The following ARL5B variants were observed in gnomAD, a reference collection of about 807,000 sequenced individuals.
ARL5B encodes ADP-ribosylation factor-like protein 5B.
ARL5B carries 10 observed loss-of-function variants against 26.9 expected under a neutral mutation model. The ratio of observed to expected loss-of-function variants is 0.37; its 90% CI spans 0.23 to 0.63. ARL5B has a LOEUF of 0.63. Ranked by LOEUF, ARL5B falls within the 30% of genes least tolerant of loss-of-function variation. The probability of loss-of-function intolerance (pLI) is 0.62; values close to 1 mark genes in which losing one functional copy is unlikely to be tolerated. For missense variants in ARL5B, 167 were observed against 213.9 expected, an observed-to-expected ratio of 0.78 and a Z score of 1.37; for synonymous variants, 87 against 70.4, an observed-to-expected ratio of 1.24 and a Z score of -1.18.
At chr10:18,673,885 C>G in intron 4 of ARL5B, 99 bp from the exon 5 acceptor site, 1 of 1,085,606 alleles carries the variant, frequency 9.2e-7, no homozygotes, top group Middle Eastern at 3.2e-4. Context: ...TACTAGTGCC[C>G]GATTATGTTA....
At chr10:18,666,660 G>C (rs2059862491) in intron 2 of ARL5B, 25 bp downstream of exon 2, 4 of 1,552,728 alleles carry the variant, frequency 2.6e-6, no homozygotes, top group Non-Finnish European at 3.5e-6. Context: ...TTATTAAACA[G>C]TTTTCACTAG....
At chr10:18,665,249 A>AG (rs2059856217) in intron 1 of ARL5B, among the ~76,000 whole-genome samples, 1 of 152,182 alleles carries the variant, frequency 6.6e-6, no homozygotes, top group African/African-American at 2.4e-5. Context: ...TTCAGGTAGG[A>AG]GGATCACTTG....
At position 18,662,338 on chromosome 10, in the gene ARL5B, T is replaced by A. The variant is rs1475834332; in HGVS notation, c.46+2655T>A. 6.6e-5 allele frequency among the ~76,000 whole-genome samples: 10 copies of A among 152,358 alleles called. No homozygotes were observed. In the East Asian group the frequency reaches 1.9e-3, roughly 29 times the overall value. ...TCATCCTTTTTTTTCCTGTAGCATT[T>A]TAGAGTCTCATGCGTCTTATAAATT... On this transcript the variant is annotated intron_variant, in intron 1 of 5. Transcript: ENST00000377275.
chr10:18,659,984 G>A (rs1480886769), intron 1 of ARL5B: 1 of 970,010 alleles, frequency 1.0e-6, no homozygotes, highest in African/African-American at 1.8e-5. Flanking sequence ...GCGTATGGAG[G>A]GCCTTTCTCG....
At chr10:18,661,360 A>G (rs1358183707) in intron 1 of ARL5B, among the ~76,000 whole-genome samples, 1 of 152,152 alleles carries the variant, frequency 6.6e-6, no homozygotes, top group Non-Finnish European at 1.5e-5. Context: ...ACTAGAGGTA[A>G]TAAAAGATGT....
At chr10:18,675,094 C>A in intron 5 of ARL5B, 74 bp from the exon 6 acceptor site, 1 of 1,414,554 alleles carries the variant, frequency 7.1e-7, no homozygotes, top group Non-Finnish European at 9.9e-7. Context: ...TGGTTAAGAC[C>A]TAAAAATAAT....
chr10:18,669,399 A>G (rs868202034), intron 3 of ARL5B, among the ~76,000 whole-genome samples: 4 of 152,278 alleles, frequency 2.6e-5, no homozygotes, highest in South Asian at 2.1e-4. Context: ...TTTTTATACC[A>G]TGAACATTCA....
Position 18,669,808 on chromosome 10 carries a change from C to T in ARL5B, c.255+1131C>T, listed in dbSNP as rs549936836. ...GAGATTGAGGCCATCCTGGCTAACA[C>T]AGGTGAAACCCCGTCTCTACTAAAA... On this transcript the variant is annotated intron_variant, in intron 3 of 5. Coordinates refer to ENST00000377275, the MANE Select transcript of ARL5B (RefSeq NM_178815.5). Among the ~76,000 whole-genome samples the T allele has an allele frequency of 1.1e-4, 16 of 151,902 alleles. No homozygotes were observed. In the South Asian group the frequency reaches 1.5e-3, roughly 14 times the overall value.
intron 1 of ARL5B, among the ~76,000 whole-genome samples, chr10:18,663,719 T>G (rs763279402): frequency 1.3e-5 from 2 of 150,444 alleles, no homozygotes; most frequent in African/African-American, 2.4e-5. Flanking sequence ...CGGCTGATTT[T>G]CTGTATTTTT....
intron 3 of ARL5B, 93 bp downstream of exon 3, chr10:18,668,770 C>CT (rs34027786): frequency 0.091 from 81,465 of 897,240 alleles, 361 homozygotes; most frequent in East Asian, 0.19. Flanking sequence ...TGACAGTTGC[C>CT]TTTTTTTTTT....
At chr10:18,659,886 A>G (rs1564861484) in intron 1 of ARL5B, 2 of 985,244 alleles carry the variant, frequency 2.0e-6, no homozygotes, top group Non-Finnish European at 2.4e-6. Context: ...GGGAGGCAGA[A>G]GAGAAGGTAT....
At chr10:18,672,849 G>C in intron 4 of ARL5B, 144 bp downstream of exon 4, 1 of 427,826 alleles carries the variant, frequency 2.3e-6, no homozygotes, top group South Asian at 5.7e-5. Flanking sequence ...TGAAAGTCTT[G>C]AGGTAAAAAA....
intron 2 of ARL5B, 99 bp downstream of exon 2, chr10:18,666,734 AAT>A (rs1261709587): frequency 1.9e-6 from 2 of 1,046,222 alleles, no homozygotes; most frequent in Non-Finnish European, 1.3e-6. Context: ...GAAAAACTTA[AAT>A]ATATGTTTTT....
At chr10:18,661,555 G>A (rs1357861839) in intron 1 of ARL5B, among the ~76,000 whole-genome samples, 1 of 152,054 alleles carries the variant, frequency 6.6e-6, no homozygotes, top group Non-Finnish European at 1.5e-5. Flanking sequence ...ACAGCCATAG[G>A]CCAGTCTTCA....
At chr10:18,675,019 C>A in intron 5 of ARL5B, 149 bp from the exon 6 acceptor site, 1 of 584,262 alleles carries the variant, frequency 1.7e-6, no homozygotes, top group Non-Finnish European at 2.9e-6. Flanking sequence ...AAAAATTTCA[C>A]TTATTATAGT....
At chr10:18,664,810 G>C (rs2059853798) in intron 1 of ARL5B, among the ~76,000 whole-genome samples, 1 of 152,142 alleles carries the variant, frequency 6.6e-6, no homozygotes, top group African/African-American at 2.4e-5. Flanking sequence ...TTATTGGTGA[G>C]TTTTACCATC....
At chr10:18,674,575 C>T (rs993160232) in intron 5 of ARL5B, among the ~76,000 whole-genome samples, 1 of 152,124 alleles carries the variant, frequency 6.6e-6, no homozygotes, top group Admixed American at 6.6e-5. Flanking sequence ...TATTTCCAGA[C>T]AATAAACAGT....
rs191702606 is a variant in ARL5B, at chr10:18,664,831, A to G, written c.47-1744A>G. Among the ~76,000 whole-genome samples the G allele has an allele frequency of 1.4e-3, 213 of 152,278 alleles. 1 individual carries two copies. Among genetic ancestry groups the G allele is most frequent in the African/African-American group, 4.4e-3 (183 of 41,560 alleles). Reference sequence around the variant, plus strand: ...GTGAGTTTTACCATCACAGGCCTTCAGTATTATGTGAAGCATCATAGTGCA... The same window carrying G: ...GTGAGTTTTACCATCACAGGCCTTCGGTATTATGTGAAGCATCATAGTGCA... On this transcript the variant is annotated intron_variant, in intron 1 of 5. Transcript: ENST00000377275.
chr10:18,659,967 C>G, intron 1 of ARL5B: 1 of 982,098 alleles, frequency 1.0e-6, no homozygotes, highest in East Asian at 1.1e-4. Context: ...GCTAATGATG[C>G]CAGGAGGCGT....
Sources: gnomAD v4.1 joint callset for allele counts (sites outside exome capture counted in the v4.1 genomes callset) on GRCh38, gnomAD v4.1.1 for gene constraint, MANE v1.5 for transcripts, NCBI Gene and HGNC (gene_info 2026-07-23, HGNC 2026-07-21) for gene names.